The following NDRG1 variants were observed in gnomAD, a reference collection of about 807,000 sequenced individuals.
The protein encoded by NDRG1 is protein NDRG1.
In NDRG1, 32 loss-of-function variants were observed where a neutral mutation model predicts 56.9. The ratio of observed to expected loss-of-function variants is 0.56; its 90% CI spans 0.42 to 0.76. NDRG1 has a LOEUF of 0.76. Among genes scored for constraint, NDRG1 ranks in the 30% least tolerant of loss-of-function variants. The pLI, the probability that NDRG1 is intolerant of heterozygous loss-of-function variation, is 0.00. For missense variants in NDRG1, 507 were observed against 545.7 expected (o/e 0.93, Z 0.71); for synonymous variants, 211 against 204.1 (o/e 1.03, Z -0.29).
intron 5 of NDRG1, among the ~76,000 whole-genome samples, chr8:133,259,834 A>G (rs186812048): frequency 2.6e-5 from 4 of 152,344 alleles, no homozygotes; most frequent in Admixed American, 2.6e-4. Context: ...GGTGTTACTC[A>G]TAACAAAGCC....
In NDRG1 at chr8:133,244,367, C is replaced by T. The variant is rs2233340; in HGVS notation, c.879G>A (p.Pro293=). 1,287 of 1,614,200 alleles carry T rather than the reference C, an allele frequency of 8.0e-4. 11 individuals carry two copies. The African/African-American group carries it at 0.015, about 19-fold the overall frequency. ...LLKMADCGGL[P]QISQPAKLAE... ...ACATGGCACTCACCTGGGAGATCTG[C>T]GGGAGGCCGCCACAGTCCGCCATCT... is the stretch of plus-strand genomic sequence containing the variant. Residue 293 remains proline, a synonymous_variant, in exon 14 of 16, where the codon CCG becomes CCA. Transcript: ENST00000323851.
chr8:133,273,932 T>G (rs1354977779), intron 3 of NDRG1, among the ~76,000 whole-genome samples: 1 of 151,992 alleles, frequency 6.6e-6, no homozygotes. Flanking sequence ...GCAAACACAA[T>G]TGCCTAAAAC....
chr8:133,249,856 A>G (rs754556414), intron 10 of NDRG1, among the ~76,000 whole-genome samples: 1 of 152,256 alleles, frequency 6.6e-6, no homozygotes, highest in African/African-American at 2.4e-5. Flanking sequence ...CTGTTCTGCG[A>G]GCGTGGCAGA....
intron 9 of NDRG1, 46 bp downstream of exon 9, chr8:133,254,491 ATG>A: frequency 6.2e-7 from 1 of 1,604,360 alleles, no homozygotes. Flanking sequence ...GCACCACACA[ATG>A]CCTTGCTCAG....
intron 1 of NDRG1, among the ~76,000 whole-genome samples, chr8:133,290,274 C>G (rs1040772342): frequency 3.1e-4 from 47 of 152,190 alleles, no homozygotes; most frequent in Non-Finnish European, 2.2e-4. Flanking sequence ...AGGTTCCGCC[C>G]ACCAGGAAGA....
intron 12 of NDRG1, among the ~76,000 whole-genome samples, chr8:133,246,932 GGTT>G (rs1459225991): frequency 6.6e-6 from 1 of 152,118 alleles, no homozygotes; most frequent in East Asian, 1.9e-4. Context: ...TTTTTCAAAA[GGTT>G]ATTATGAAGA....
intron 3 of NDRG1, among the ~76,000 whole-genome samples, chr8:133,270,834 C>G (rs148780341): frequency 2.4e-4 from 36 of 152,338 alleles, no homozygotes; most frequent in African/African-American, 7.9e-4. Flanking sequence ...ACCACGTGCC[C>G]TTGGCCAAGT....
chr8:133,266,677 CCT>C (rs1352675727), intron 3 of NDRG1, among the ~76,000 whole-genome samples: 1 of 152,222 alleles, frequency 6.6e-6, no homozygotes, highest in African/African-American at 2.4e-5. Context: ...ACTTCTTACC[CCT>C]GATACTTAAG....
At chr8:133,241,627 G>A (rs1855386607) in intron 15 of NDRG1, 2 of 320,844 alleles carry the variant, frequency 6.2e-6, no homozygotes, top group Admixed American at 9.3e-5. Context: ...ATAAAATAAT[G>A]TGTTAGTAAT....
chr8:133,254,628 C>G, intron 8 of NDRG1, 33 bp from the exon 9 acceptor site: 1 of 1,608,478 alleles, frequency 6.2e-7, no homozygotes, highest in Admixed American at 1.7e-5. Context: ...GATGAGAAAC[C>G]AGGAGCTAAC....
At chr8:133,251,659 G>A (rs765062105) in intron 9 of NDRG1, among the ~76,000 whole-genome samples, 2 of 152,196 alleles carry the variant, frequency 1.3e-5, no homozygotes, top group Admixed American at 1.3e-4. Flanking sequence ...TGTGTCACAC[G>A]CTGTGGAATG....
In NDRG1 at chr8:133,247,889, C is replaced by A. The variant is rs746976999; in HGVS notation, c.793G>T (p.Ala265Ser). Residue 265 changes from alanine (A) to serine (S), a missense_variant, in exon 12 of 16, where the codon GCA (alanine) becomes TCA (serine). Transcript: ENST00000323851. ...TTTCTACATACCACGGCATCCACTG[C>A]AGGCGAGCTGTCCCCAACCACCAAC... ...ALLVVGDSSPAVDAVVECNSK... is the reference protein window; with the variant it reads ...ALLVVGDSSPSVDAVVECNSK... 1 of 1,614,088 alleles carries A rather than the reference C, an allele frequency of 6.2e-7. No homozygotes were observed. The highest frequency in any genetic ancestry group is 8.5e-7 in the Non-Finnish European group (1 of 1,180,014).
At chr8:133,247,666 G>C (rs1268994091) in intron 12 of NDRG1, among the ~76,000 whole-genome samples, 1 of 152,234 alleles carries the variant, frequency 6.6e-6, no homozygotes, top group East Asian at 1.9e-4. Context: ...TGGGAGAGGA[G>C]ACACTGCCAA....
intron 1 of NDRG1, among the ~76,000 whole-genome samples, chr8:133,288,698 A>C (rs554109092): frequency 2.0e-5 from 3 of 152,304 alleles, no homozygotes; most frequent in African/African-American, 7.2e-5. Flanking sequence ...AGGCAGGGCC[A>C]CACACAGCAT....
rs1049697 is a variant in NDRG1, at chr8:133,237,922, A to G, written c.*956T>C. On this transcript the variant is annotated 3_prime_UTR_variant, in exon 16 of 16. Coordinates refer to ENST00000323851, the MANE Select transcript of NDRG1 (RefSeq NM_006096.4). ...CCTTACATCGAGTAACCCCAATTCC[A>G]CCCCCACCCCAGTGCTCCTACTCCG... The G allele has an allele frequency of 0.83, 193,370 of 232,876 alleles. 80,814 individuals are homozygous for G. Among genetic ancestry groups the G allele is most frequent in the African/African-American group, 0.91 (41,458 of 45,362 alleles). The allele number at this position is 232,876 out of a possible 1,614,324, so 14.4% of individuals were successfully genotyped here.
intron 14 of NDRG1, among the ~76,000 whole-genome samples, 153 bp downstream of exon 14, chr8:133,244,202 G>A (rs1413425463): frequency 6.6e-6 from 1 of 152,216 alleles, no homozygotes; most frequent in African/African-American, 2.4e-5. Context: ...TAGGGAATCA[G>A]AGTCCTCCTA....
chr8:133,249,858 C>A (rs1428782868), intron 10 of NDRG1, among the ~76,000 whole-genome samples: 1 of 152,238 alleles, frequency 6.6e-6, no homozygotes, highest in Non-Finnish European at 1.5e-5. Flanking sequence ...GTTCTGCGAG[C>A]GTGGCAGAGC....
chr8:133,288,414 G>A (rs934327003), intron 1 of NDRG1: 22 of 152,268 alleles, frequency 1.4e-4, no homozygotes, highest in African/African-American at 5.3e-4. Flanking sequence ...GCTGTCTTCT[G>A]GTGTCTGTGA....
In NDRG1 at chr8:133,261,149, A is replaced by G. The variant is rs955397235; in HGVS notation, c.326+898T>C. ...GAGACAGAGTCTTGCTCTGTCACCCAGGCTGGAGTGCAGTGGTGCGATCTT... is the reference window on the plus strand; with the variant it reads ...GAGACAGAGTCTTGCTCTGTCACCCGGGCTGGAGTGCAGTGGTGCGATCTT... On this transcript the variant is annotated intron_variant, in intron 5 of 15. Coordinates refer to ENST00000323851, the MANE Select transcript of NDRG1 (RefSeq NM_006096.4). Among the ~76,000 whole-genome samples the G allele has an allele frequency of 1.8e-4, 27 of 152,084 alleles. 2 individuals are homozygous for G. The highest frequency in any genetic ancestry group is 5.2e-4 in the Admixed American group (8 of 15,254).
Sources: allele counts gnomAD v4.1 joint callset (sites outside exome capture counted in the v4.1 genomes callset), GRCh38; gene constraint gnomAD v4.1.1; transcripts MANE v1.5; gene names NCBI Gene and HGNC (gene_info 2026-07-23, HGNC 2026-07-21).